Variants in TXNL4A observed in about 807,000 individuals in gnomAD.
TXNL4A encodes the protein thioredoxin-like protein 4A.
Under a neutral mutation model 14.6 loss-of-function variants are expected in TXNL4A, and 17 were observed. That is an observed-to-expected ratio of 1.16 (90% confidence interval 0.80 to 1.74). The LOEUF (loss-of-function observed/expected upper bound fraction) is 1.74, where lower values mean the gene tolerates loss of function less well. Ranked by LOEUF, TXNL4A falls within the 40% of genes most tolerant of loss-of-function variation. TXNL4A has a pLI of 0.00. For synonymous variants in TXNL4A, 83 were observed against 70.6 expected (o/e 1.18, Z -0.88); for missense variants, 74 against 195.2 (o/e 0.38, Z 3.70).
intron 1 of TXNL4A, among the ~76,000 whole-genome samples, chr18:80,031,616 C>T (rs1196558407): frequency 6.6e-6 from 1 of 152,080 alleles, no homozygotes; most frequent in Non-Finnish European, 1.5e-5. Context: ...CAAATTACAC[C>T]CAAAAGGCCC....
upstream of TXNL4A, among the ~76,000 whole-genome samples, chr18:79,989,983 G>A (rs2051614896): frequency 6.6e-6 from 1 of 152,182 alleles, no homozygotes. Context: ...GTGACAGAGT[G>A]AGACTCCATC....
rs371057581 is a variant in TXNL4A at position 80,028,355 on chromosome 18, C to T, written c.-61+5496G>A. Among the ~76,000 whole-genome samples the T allele has an allele frequency of 1.4e-4, 21 of 149,670 alleles. No individual in the cohort carries two copies. The East Asian group carries it at 1.7e-3, about 12-fold the overall frequency. On this transcript the variant is annotated intron_variant, in intron 1 of 2. Coordinates refer to the TXNL4A transcript ENST00000585474. ...CCTTCTAAACTCTCATCATACTCAA[C>T]GTGTGTCTGTCAACCGGTCAGCCTC...
intron 2 of TXNL4A, among the ~76,000 whole-genome samples, chr18:79,977,026 T>A (rs998139205): frequency 4.9e-4 from 74 of 152,246 alleles, no homozygotes; most frequent in East Asian, 2.1e-3. Flanking sequence ...AATGGCATGA[T>A]CTCGGCTAAC....
At chr18:79,994,972 C>T (rs1212352217) in intron 1 of TXNL4A, 1 of 152,206 alleles carries the variant, frequency 6.6e-6, no homozygotes, top group African/African-American at 2.4e-5. Context: ...CAGTGGCAGC[C>T]TCTCATCTGG....
intron 1 of TXNL4A, among the ~76,000 whole-genome samples, chr18:80,032,267 A>G (rs2051926683): frequency 6.6e-6 from 1 of 152,176 alleles, no homozygotes; most frequent in Non-Finnish European, 1.5e-5. Flanking sequence ...AGCAGGTGGG[A>G]AGAAAGGAGG....
intron 2 of TXNL4A, 82 bp from the exon 3 acceptor site, chr18:79,973,938 CACT>C: frequency 6.4e-7 from 1 of 1,556,226 alleles, no homozygotes; most frequent in Non-Finnish European, 8.7e-7. Flanking sequence ...GTATTTTTCC[CACT>C]GTGACAAGCT....
chr18:80,002,204 C>T (rs1308058272), intron 1 of TXNL4A, among the ~76,000 whole-genome samples: 1 of 152,166 alleles, frequency 6.6e-6, no homozygotes, highest in African/African-American at 2.4e-5. Flanking sequence ...GAAGAAGCCT[C>T]ACAAAACATG....
At chr18:79,983,347 T>C (rs1018049398) in intron 1 of TXNL4A, among the ~76,000 whole-genome samples, 7 of 152,234 alleles carry the variant, frequency 4.6e-5, no homozygotes, top group African/African-American at 1.7e-4. Flanking sequence ...TAAGTATCTT[T>C]TCCAACTCTG....
intron 1 of TXNL4A, among the ~76,000 whole-genome samples, chr18:79,999,488 A>T (rs1019695394): frequency 2.7e-5 from 4 of 148,754 alleles, no homozygotes; most frequent in African/African-American, 7.5e-5. Flanking sequence ...GTGAGCCAAG[A>T]CTGCGCCACT....
upstream of TXNL4A, among the ~76,000 whole-genome samples, chr18:79,989,443 C>T (rs1326937398): frequency 6.6e-6 from 1 of 152,206 alleles, no homozygotes; most frequent in Admixed American, 6.5e-5. Flanking sequence ...TTCAGCATAA[C>T]TTCCACCTCC....
chr18:79,998,169 T>G (rs538356226), intron 1 of TXNL4A, among the ~76,000 whole-genome samples: 1 of 152,224 alleles, frequency 6.6e-6, no homozygotes. Context: ...TGGCAGCACC[T>G]GTAGTCCCAG....
At chr18:79,984,910 G>C (rs1017767682) in intron 1 of TXNL4A, among the ~76,000 whole-genome samples, 6 of 152,188 alleles carry the variant, frequency 3.9e-5, no homozygotes, top group Middle Eastern at 3.2e-3. Flanking sequence ...CTACAAAATG[G>C]AAAGACAGCT....
chr18:79,997,509 C>T (rs1472251673), intron 1 of TXNL4A, among the ~76,000 whole-genome samples: 1 of 152,110 alleles, frequency 6.6e-6, no homozygotes, highest in Non-Finnish European at 1.5e-5. Context: ...ATCAACTATA[C>T]CCAGTACCAG....
intron 1 of TXNL4A, among the ~76,000 whole-genome samples, chr18:80,000,834 A>C (rs562073697): frequency 3.3e-5 from 5 of 152,030 alleles, no homozygotes; most frequent in Non-Finnish European, 7.4e-5. Context: ...TTGTATTTTT[A>C]GTAGAGACGG....
At chr18:80,016,717 T>A (rs938473030) in intron 1 of TXNL4A, among the ~76,000 whole-genome samples, 126 of 151,880 alleles carry the variant, frequency 8.3e-4, no homozygotes, top group African/African-American at 2.9e-3. Flanking sequence ...GTTCCATTGA[T>A]CTATATCTCT....
chr18:80,013,247 TG>T (rs914070739), intron 1 of TXNL4A, among the ~76,000 whole-genome samples: 1 of 149,316 alleles, frequency 6.7e-6, no homozygotes, highest in African/African-American at 2.5e-5. Context: ...CTCAGCCTCC[TG>T]AGTAGCTGGG....
chr18:80,023,099 CT>C (rs770990967), intron 1 of TXNL4A, among the ~76,000 whole-genome samples: 2 of 152,212 alleles, frequency 1.3e-5, no homozygotes, highest in African/African-American at 2.4e-5. Context: ...GACTGATTAA[CT>C]TTCAAACACA....
At chr18:80,024,186 T>TA (rs2051868709) in intron 1 of TXNL4A, among the ~76,000 whole-genome samples, 1 of 139,194 alleles carries the variant, frequency 7.2e-6, no homozygotes, top group Admixed American at 7.0e-5. Flanking sequence ...TATTCACTGT[T>TA]TAAAAAAAAA....
intron 1 of TXNL4A, among the ~76,000 whole-genome samples, chr18:80,016,662 C>T (rs948815610): frequency 1.2e-4 from 18 of 152,146 alleles, no homozygotes; most frequent in Admixed American, 1.3e-4. Context: ...CGTCAAAGAT[C>T]AGATAGTTGT....
Sources: gnomAD v4.1 joint callset for allele counts (sites outside exome capture counted in the v4.1 genomes callset) on GRCh38, gnomAD v4.1.1 for gene constraint, MANE v1.5 for transcripts, NCBI Gene and HGNC (gene_info 2026-07-23, HGNC 2026-07-21) for gene names.